The following FOXK2 variants were observed in gnomAD, a reference collection of about 807,000 sequenced individuals.
FOXK2 encodes forkhead box K2, also known as forkhead box protein K2.
A neutral mutation model predicts 53.3 loss-of-function variants in FOXK2; 24 were observed. The observed-to-expected ratio is 0.45, with a 90% CI of 0.33 to 0.63. The LOEUF (loss-of-function observed/expected upper bound fraction) is 0.63, where lower values mean the gene tolerates loss of function less well. FOXK2 is among the 30% of genes least tolerant of loss of function. The pLI is 0.03. For synonymous variants in FOXK2, 505 were observed against 407.1 expected, an observed-to-expected ratio of 1.24 and a Z score of -2.89; for missense variants, 952 against 910.5, an observed-to-expected ratio of 1.05 and a Z score of -0.59.
chr17:82,544,164 C>T (rs780695760), intron 1 of FOXK2, among the ~76,000 whole-genome samples: 3 of 152,170 alleles, frequency 2.0e-5, no homozygotes, highest in African/African-American at 2.4e-5. Context: ...CCTCCCACTT[C>T]GGCTTTCCAA....
At chr17:82,583,922 A>G in intron 5 of FOXK2, 91 bp from the exon 6 acceptor site, 1 of 1,341,274 alleles carries the variant, frequency 7.5e-7, no homozygotes, top group East Asian at 2.5e-5. Flanking sequence ...GACAAATGAC[A>G]CCCCCTTTGC....
Position 82,603,899 on chromosome 17 carries a change from A to AT in FOXK2, c.*2401dup, listed in dbSNP as rs1340545328. On this transcript the variant is annotated 3_prime_UTR_variant, in exon 9 of 9. Coordinates refer to ENST00000335255, the MANE Select transcript of FOXK2 (RefSeq NM_004514.4). ...ATCGAAGCGAGAGCAGTAACAAACCATAGATGAGCAGACTCCCACACCGGG... is the reference window on the plus strand; with the variant it reads ...ATCGAAGCGAGAGCAGTAACAAACCATTAGATGAGCAGACTCCCACACCGGG... 1 of 152,278 alleles carries AT rather than the reference A, an allele frequency of 6.6e-6. No homozygotes were observed. The highest frequency in any genetic ancestry group is 2.4e-5 in the African/African-American group (1 of 41,554). 9.4% of individuals were successfully genotyped at this position (152,278 alleles called of 1,614,324 possible). A position where few individuals can be genotyped will look rare whatever the true frequency, so the allele number is the denominator to read the frequency against.
intron 3 of FOXK2, among the ~76,000 whole-genome samples, chr17:82,569,318 G>A (rs1367936900): frequency 3.3e-5 from 5 of 152,232 alleles, no homozygotes; most frequent in Admixed American, 6.5e-5. Context: ...CAAGGAGGGC[G>A]CGTCGCGTGT....
At chr17:82,527,769 G>T (rs1279234874) in intron 1 of FOXK2, among the ~76,000 whole-genome samples, 1 of 152,112 alleles carries the variant, frequency 6.6e-6, no homozygotes, top group Non-Finnish European at 1.5e-5. Context: ...CCTCACCTTA[G>T]TGTTTAGTAC....
chr17:82,530,307 A>G (rs1264216447), intron 1 of FOXK2, among the ~76,000 whole-genome samples: 2 of 152,100 alleles, frequency 1.3e-5, no homozygotes, highest in East Asian at 1.9e-4. Flanking sequence ...CCTGACCAAC[A>G]TGGAGAAACC....
intron 5 of FOXK2, among the ~76,000 whole-genome samples, chr17:82,583,568 T>A (rs1185875011): frequency 6.6e-6 from 1 of 152,198 alleles, no homozygotes; most frequent in African/African-American, 2.4e-5. Context: ...TACACTACTT[T>A]TTAGCTGCTT....
At chr17:82,577,215 T>A in intron 4 of FOXK2, 1 of 1,172,136 alleles carries the variant, frequency 8.5e-7, no homozygotes, top group Admixed American at 1.9e-5. Context: ...GGTGTGTAGG[T>A]GAGTTTATTC....
At chr17:82,535,996 C>T (rs1490890963) in intron 1 of FOXK2, among the ~76,000 whole-genome samples, 2 of 152,050 alleles carry the variant, frequency 1.3e-5, no homozygotes, top group African/African-American at 4.8e-5. Context: ...CCTGTCTCAG[C>T]CTCCCGAAGT....
intron 1 of FOXK2, among the ~76,000 whole-genome samples, chr17:82,543,368 C>T (rs772090983): frequency 4.6e-5 from 7 of 152,068 alleles, no homozygotes; most frequent in Non-Finnish European, 8.8e-5. Flanking sequence ...CCGGGGAGGC[C>T]GTAGGTGAGA....
chr17:82,541,082 T>C (rs921142892), intron 1 of FOXK2, among the ~76,000 whole-genome samples: 11 of 152,062 alleles, frequency 7.2e-5, no homozygotes, highest in African/African-American at 2.7e-4. Flanking sequence ...AGCAAATTCC[T>C]GTGTGAGCAG....
At chr17:82,568,448 G>GGGCT (rs1288978736) in intron 3 of FOXK2, among the ~76,000 whole-genome samples, 1 of 152,238 alleles carries the variant, frequency 6.6e-6, no homozygotes, top group Non-Finnish European at 1.5e-5. Flanking sequence ...CAGGTGCTGA[G>GGGCT]GGCTGGGCAG....
At chr17:82,564,242 C>T (rs2044829994) in intron 2 of FOXK2, among the ~76,000 whole-genome samples, 1 of 151,928 alleles carries the variant, frequency 6.6e-6, no homozygotes, top group Non-Finnish European at 1.5e-5. Flanking sequence ...CATGTGCCAC[C>T]ATACCCGGCT....
At chr17:82,552,487 TCA>T (rs1401564277) in intron 1 of FOXK2, among the ~76,000 whole-genome samples, 3 of 152,178 alleles carry the variant, frequency 2.0e-5, no homozygotes, top group African/African-American at 7.2e-5. Context: ...AGGCCCTGTG[TCA>T]CACTGAACCC....
In FOXK2 at chr17:82,576,332, A is replaced by G. The variant is rs9891370; in HGVS notation, c.909+4462A>G. On this transcript the variant is annotated intron_variant, in intron 4 of 8. Transcript: ENST00000335255. ...GGACCCCCCAAGTGGAGTGCTGGACATGGGCTCGCTCCAGAGGCGTCTGAC... is the reference window on the plus strand; with the variant it reads ...GGACCCCCCAAGTGGAGTGCTGGACGTGGGCTCGCTCCAGAGGCGTCTGAC... Among the ~76,000 whole-genome samples, 1,369 of 152,324 alleles carry G rather than the reference A, an allele frequency of 9.0e-3. 23 individuals are homozygous for G. Among genetic ancestry groups the G allele is most frequent in the African/African-American group, 0.031 (1,299 of 41,560 alleles).
At chr17:82,573,560 TCTCACACACACACACACACACACA>T (rs2044946753) in intron 4 of FOXK2, among the ~76,000 whole-genome samples, 1 of 101,806 alleles carries the variant, frequency 9.8e-6, no homozygotes, top group African/African-American at 3.9e-5. Context: ...TCTCTCTCTC[TCTCACACACACACACACACACACA>T]CACACACACA....
intron 1 of FOXK2, among the ~76,000 whole-genome samples, chr17:82,546,440 T>C (rs1216139544): frequency 6.6e-6 from 1 of 151,996 alleles, no homozygotes; most frequent in African/African-American, 2.4e-5. Context: ...AAAAATACTT[T>C]CCTGCACATT....
chr17:82,560,339 A>G (rs1311423580), intron 1 of FOXK2, among the ~76,000 whole-genome samples: 1 of 152,054 alleles, frequency 6.6e-6, no homozygotes, highest in African/African-American at 2.4e-5. Context: ...AAGCGGTCTC[A>G]CTGTGTGGCA....
chr17:82,581,070 A>C (rs9916019), intron 4 of FOXK2, among the ~76,000 whole-genome samples: 13,167 of 152,328 alleles, frequency 0.086, 644 homozygotes, highest in South Asian at 0.12. Flanking sequence ...TTTGAAATTC[A>C]GGCTGAGGCT....
intron 1 of FOXK2, among the ~76,000 whole-genome samples, chr17:82,562,728 A>G (rs1482768053): frequency 1.3e-5 from 2 of 152,054 alleles, no homozygotes; most frequent in Middle Eastern, 3.2e-3. Flanking sequence ...AGTCTACTAT[A>G]AGACCCAAAA....
Sources: gnomAD v4.1 joint callset for allele counts (sites outside exome capture counted in the v4.1 genomes callset) on GRCh38, gnomAD v4.1.1 for gene constraint, MANE v1.5 for transcripts, NCBI Gene and HGNC (gene_info 2026-07-23, HGNC 2026-07-21) for gene names.